TSPAN9: variants seen among roughly 807,000 people sequenced by gnomAD.
TSPAN9 encodes the protein tetraspanin-9.
Under a neutral mutation model 31.0 loss-of-function variants are expected in TSPAN9, and 16 were observed. The observed-to-expected ratio is 0.52, with a 90% CI of 0.35 to 0.78. The LOEUF (loss-of-function observed/expected upper bound fraction) is 0.78. TSPAN9 is among the 30% of genes least tolerant of loss of function. The pLI is 0.01. For missense variants in TSPAN9, 272 were observed against 312.5 expected (o/e 0.87, Z 0.98); for synonymous variants, 145 against 121.6 (o/e 1.19, Z -1.27).
intron 2 of TSPAN9, among the ~76,000 whole-genome samples, chr12:3,159,933 C>T (rs114095788): frequency 0.027 from 4,157 of 152,258 alleles, 172 homozygotes; most frequent in African/African-American, 0.095. Flanking sequence ...TATGGCAGTC[C>T]TAGCAAACTG....
chr12:3,281,089 G>C, intron 6 of TSPAN9, 109 bp from the exon 7 acceptor site: 1 of 1,507,668 alleles, frequency 6.6e-7, no homozygotes, highest in Non-Finnish European at 8.9e-7. Flanking sequence ...CTTAACTGCA[G>C]GGTGGCCACT....
At chr12:3,124,352 C>T (rs1234012941) in intron 2 of TSPAN9, among the ~76,000 whole-genome samples, 1 of 152,092 alleles carries the variant, frequency 6.6e-6, no homozygotes, top group Non-Finnish European at 1.5e-5. Flanking sequence ...TTTTTCATTG[C>T]AGCACTATTT....
At chr12:3,222,778 C>T (rs908024716) in intron 3 of TSPAN9, among the ~76,000 whole-genome samples, 3 of 152,204 alleles carry the variant, frequency 2.0e-5, no homozygotes, top group African/African-American at 7.2e-5. Flanking sequence ...TCTTCAGGTC[C>T]TTGTTCTACC....
At chr12:3,202,585 G>A (rs1475012984) in intron 3 of TSPAN9, among the ~76,000 whole-genome samples, 2 of 152,170 alleles carry the variant, frequency 1.3e-5, no homozygotes, top group Admixed American at 1.3e-4. Context: ...CAGTCCAATA[G>A]GGGCTGTCGT....
At chr12:3,154,574 TCCTC>T in intron 2 of TSPAN9, among the ~76,000 whole-genome samples, 1 of 152,336 alleles carries the variant, frequency 6.6e-6, no homozygotes, top group Middle Eastern at 3.4e-3. Flanking sequence ...ATCAGCGTGT[TCCTC>T]CCTTCCTCCC....
chr12:3,157,428 G>A (rs932441136), intron 2 of TSPAN9, among the ~76,000 whole-genome samples: 3 of 152,166 alleles, frequency 2.0e-5, no homozygotes, highest in Non-Finnish European at 2.9e-5. Context: ...AAGAATGTGG[G>A]TTTTTGAAGC....
intron 3 of TSPAN9, among the ~76,000 whole-genome samples, chr12:3,252,457 C>G (rs1347801656): frequency 1.3e-5 from 2 of 152,178 alleles, no homozygotes; most frequent in Non-Finnish European, 2.9e-5. Context: ...AGGGAGAAAT[C>G]CCAGCCCCTG....
At chr12:3,281,645 G>A (rs771840048) in intron 7 of TSPAN9, 89 bp from the exon 8 acceptor site, 9 of 1,429,796 alleles carry the variant, frequency 6.3e-6, no homozygotes, top group African/African-American at 1.4e-5. Context: ...GAGCGAGGAC[G>A]AGGTGGAAGG....
chr12:3,197,282 C>T (rs1038529215), intron 2 of TSPAN9, among the ~76,000 whole-genome samples: 2 of 152,166 alleles, frequency 1.3e-5, no homozygotes, highest in African/African-American at 2.4e-5. Context: ...GAGAATGAAG[C>T]GGCAGCCGTG....
In TSPAN9 at chr12:3,283,230, A is replaced by C; in HGVS notation, c.*114A>C. The C allele has an allele frequency of 9.2e-7, 1 of 1,088,902 alleles. No individual in the cohort carries two copies. The highest frequency in any genetic ancestry group is 1.3e-6 in the Non-Finnish European group (1 of 763,530). The allele number at this position is 1,088,902 out of a possible 1,614,324, so 67.5% of individuals were successfully genotyped here. A position where few individuals can be genotyped will look rare whatever the true frequency, so the allele number is the denominator to read the frequency against. ...TATGACCCCTGCACCCACCCCCCAC[A>C]GCCTGCCCTACCCCACCTACCCTGC... On this transcript the variant is annotated 3_prime_UTR_variant, in exon 9 of 9. Transcript: ENST00000011898.
At chr12:3,150,317 G>A (rs916404030) in intron 2 of TSPAN9, among the ~76,000 whole-genome samples, 2 of 152,198 alleles carry the variant, frequency 1.3e-5, no homozygotes, top group Non-Finnish European at 2.9e-5. Context: ...TAGGGGGCTT[G>A]ACTAAGGCCG....
In TSPAN9 at chr12:3,220,383, C is replaced by T. The variant is rs373700295; in HGVS notation, c.63+19127C>T. On this transcript the variant is annotated intron_variant, in intron 3 of 8. Transcript: ENST00000011898. Reference sequence around the variant, plus strand: ...GGTGTCTCACTGGGAGTAAAGCACCCTCAGGGTTAGGCGTGGGTCTAGGGT... The same window carrying T: ...GGTGTCTCACTGGGAGTAAAGCACCTTCAGGGTTAGGCGTGGGTCTAGGGT... 3.3e-5 allele frequency among the ~76,000 whole-genome samples: 5 copies of T among 152,308 alleles called. No individual in the cohort carries two copies. The East Asian group carries it at 9.7e-4, about 29-fold the overall frequency.
intron 3 of TSPAN9, among the ~76,000 whole-genome samples, chr12:3,225,198 G>A (rs898526932): frequency 3.3e-5 from 5 of 152,130 alleles, no homozygotes; most frequent in Non-Finnish European, 5.9e-5. Context: ...TCCAGTTGGG[G>A]GACCGTGGGA....
At chr12:3,233,994 G>A (rs370488520) in intron 3 of TSPAN9, among the ~76,000 whole-genome samples, 88 of 152,210 alleles carry the variant, frequency 5.8e-4, no homozygotes, top group African/African-American at 2.1e-3. Flanking sequence ...GCAGAGAATA[G>A]CAGAGTTACT....
Position 3,228,505 on chromosome 12 carries a change from A to C in TSPAN9, c.63+27249A>C, listed in dbSNP as rs150011860. ...AGATCCAGGACTAGCTTAGGCAATC[A>C]TTTCTGAGGCTTTGCTCATGCCCTC... On this transcript the variant is annotated intron_variant, in intron 3 of 8. Coordinates refer to ENST00000011898, the MANE Select transcript of TSPAN9 (RefSeq NM_006675.5). 8.8e-3 allele frequency among the ~76,000 whole-genome samples: 1,343 copies of C among 152,300 alleles called. 10 individuals carry two copies. The highest frequency in any genetic ancestry group is 0.011 in the Non-Finnish European group (765 of 68,020).
chr12:3,180,779 C>T (rs12579294), intron 2 of TSPAN9, among the ~76,000 whole-genome samples: 28,960 of 152,128 alleles, frequency 0.19, 3,079 homozygotes, highest in East Asian at 0.32. Flanking sequence ...TTAACATCAC[C>T]TTTCTAAAAT....
intron 2 of TSPAN9, among the ~76,000 whole-genome samples, chr12:3,118,255 C>CTTTTTTTTTTTTT (rs2098323349): frequency 5.0e-5 from 1 of 20,114 alleles, no homozygotes; most frequent in Non-Finnish European, 1.6e-4. Flanking sequence ...CTGCACCCGC[C>CTTTTTTTTTTTTT]GTTTTTTTTT....
At chr12:3,195,738 C>T (rs148502098) in intron 2 of TSPAN9, among the ~76,000 whole-genome samples, 77 of 152,342 alleles carry the variant, frequency 5.1e-4, no homozygotes, top group Non-Finnish European at 1.0e-3. Context: ...TGGGACCCTG[C>T]AGGATGCAGC....
At chr12:3,241,096 T>A (rs902829189) in intron 3 of TSPAN9, among the ~76,000 whole-genome samples, 8 of 152,188 alleles carry the variant, frequency 5.3e-5, no homozygotes, top group African/African-American at 1.9e-4. Context: ...GAAAACAGGC[T>A]CATCCTCTGG....
Sources: allele counts gnomAD v4.1 joint callset (sites outside exome capture counted in the v4.1 genomes callset), GRCh38; gene constraint gnomAD v4.1.1; transcripts MANE v1.5; gene names NCBI Gene and HGNC (gene_info 2026-07-23, HGNC 2026-07-21).